Variants in C6orf163 observed in about 807,000 individuals in gnomAD.
C6orf163 encodes the protein uncharacterized protein C6orf163.
In C6orf163, 22 loss-of-function variants were observed where a neutral mutation model predicts 28.4. That is an observed-to-expected ratio of 0.78 (90% CI 0.55 to 1.11). The LOEUF (loss-of-function observed/expected upper bound fraction) is 1.11. Among genes scored for constraint, C6orf163 ranks in the 50% least tolerant of loss-of-function variants. C6orf163 has a pLI of 0.00. For synonymous variants in C6orf163, 110 were observed against 123.6 expected (o/e 0.89, Z 0.73); for missense variants, 342 against 389.1 (o/e 0.88, Z 1.02).
intron 2 of C6orf163, 109 bp from the exon 3 acceptor site, chr6:87,350,285 C>G: frequency 8.6e-6 from 6 of 698,316 alleles, no homozygotes; most frequent in Non-Finnish European, 1.5e-5. Flanking sequence ...ATGGTTGTTG[C>G]TAATTTTCAG....
At chr6:87,354,924 C>G (rs1279005942) in intron 3 of C6orf163, among the ~76,000 whole-genome samples, 1 of 152,232 alleles carries the variant, frequency 6.6e-6, no homozygotes, top group Non-Finnish European at 1.5e-5. Flanking sequence ...GTAAACAGAG[C>G]TGGCTCTCTC....
intron 4 of C6orf163, among the ~76,000 whole-genome samples, chr6:87,361,649 C>T (rs921301010): frequency 6.6e-6 from 1 of 152,164 alleles, no homozygotes; most frequent in Non-Finnish European, 1.5e-5. Context: ...AGACATCAGA[C>T]TAAATCCTTA....
At chr6:87,352,352 A>G (rs951358888) in intron 3 of C6orf163, among the ~76,000 whole-genome samples, 2 of 152,168 alleles carry the variant, frequency 1.3e-5, no homozygotes, top group Non-Finnish European at 2.9e-5. Context: ...TACAGACTCC[A>G]TCAGCATCCC....
intron 3 of C6orf163, among the ~76,000 whole-genome samples, chr6:87,353,356 G>A (rs1282070039): frequency 6.6e-6 from 1 of 151,788 alleles, no homozygotes; most frequent in Non-Finnish European, 1.5e-5. Context: ...AATTCTTGAG[G>A]TGAGGGATAT....
At chr6:87,360,398 A>ATT (rs10625675) in intron 4 of C6orf163, among the ~76,000 whole-genome samples, 56,057 of 138,024 alleles carry the variant, frequency 0.41, 12,049 homozygotes, top group Non-Finnish European at 0.47. Context: ...TTAAGCATGA[A>ATT]TTTTTTTTTT....
chr6:87,348,066 G>A (rs185261610), intron 1 of C6orf163: 1 of 523,348 alleles, frequency 1.9e-6, no homozygotes, highest in African/African-American at 2.1e-5. Context: ...TGAGGCAGGA[G>A]AATCACTTGA....
At chr6:87,358,679 A>G (rs1311691708) in intron 4 of C6orf163, 1 of 151,970 alleles carries the variant, frequency 6.6e-6, no homozygotes, top group Admixed American at 6.6e-5. Flanking sequence ...TGAAGTGACC[A>G]CTCAGGATTT....
rs1257810699 is a variant in C6orf163 at position 87,345,087 on chromosome 6, C to G, written c.-13C>G. 22 of 1,515,712 alleles carry G rather than the reference C, an allele frequency of 1.5e-5. No individual in the cohort carries two copies. The highest frequency in any genetic ancestry group is 1.8e-5 in the Non-Finnish European group (21 of 1,138,608). The allele number at this position is 1,515,712 out of a possible 1,614,324, so 93.9% of individuals were successfully genotyped here. ...TTTAACTGTAAGTAGGAGAAGACAT[C>G]TGAAATTTAACTATGATCAGAAATT... is the stretch of plus-strand genomic sequence containing the variant. On this transcript the variant is annotated 5_prime_UTR_variant, in exon 1 of 5. In the 5' UTR this introduces an upstream ATG that the reference lacks. Coordinates refer to ENST00000388923, the MANE Select transcript of C6orf163 (RefSeq NM_001010868.3).
chr6:87,357,508 TC>T (rs1450161723), intron 4 of C6orf163: 1 of 152,170 alleles, frequency 6.6e-6, no homozygotes, highest in Non-Finnish European at 1.5e-5. Flanking sequence ...ACAGGTAAGA[TC>T]CTGGAGGAGG....
intron 4 of C6orf163, chr6:87,358,107 C>T (rs1259370056): frequency 6.6e-6 from 1 of 152,128 alleles, no homozygotes; most frequent in Non-Finnish European, 1.5e-5. Flanking sequence ...AGAGAATTTG[C>T]AGAAACTAAT....
chr6:87,346,769 G>A (rs1282530917), intron 1 of C6orf163, among the ~76,000 whole-genome samples: 1 of 152,092 alleles, frequency 6.6e-6, no homozygotes, highest in Admixed American at 6.5e-5. Flanking sequence ...ACTAAATTAG[G>A]ACCTCTACGG....
At chr6:87,347,686 CTT>C (rs1368046110) in intron 1 of C6orf163, 2 of 985,256 alleles carry the variant, frequency 2.0e-6, no homozygotes, top group Non-Finnish European at 2.4e-6. Flanking sequence ...TTTCTTGACT[CTT>C]TTAACAGAGA....
chr6:87,365,423 A>G lies in C6orf163; in HGVS notation c.*27A>G, dbSNP rs1033682716. On this transcript the variant is annotated 3_prime_UTR_variant, in exon 5 of 5. Transcript: ENST00000388923. ...AGTCTTCAGTTGAAATTCCACTACAAAAGACATCATTCCAGACTAAATAAA... is the reference window on the plus strand; with the variant it reads ...AGTCTTCAGTTGAAATTCCACTACAGAAGACATCATTCCAGACTAAATAAA... 79 of 1,342,402 alleles carry G rather than the reference A, an allele frequency of 5.9e-5. No homozygotes were observed. Among genetic ancestry groups the G allele is most frequent in the Middle Eastern group, 4.1e-4 (2 of 4,908 alleles). 83.2% of individuals were successfully genotyped at this position (1,342,402 alleles called of 1,614,324 possible). A position where few individuals can be genotyped will look rare whatever the true frequency, so the allele number is the denominator to read the frequency against.
chr6:87,345,295 T>C, intron 1 of C6orf163, 48 bp downstream of exon 1: 1 of 1,443,310 alleles, frequency 6.9e-7, no homozygotes, highest in East Asian at 2.6e-5. Flanking sequence ...CATAGCCTTA[T>C]GTGTCATTCT....
At chr6:87,356,235 C>A in intron 3 of C6orf163, 66 bp from the exon 4 acceptor site, 2 of 1,274,090 alleles carry the variant, frequency 1.6e-6, no homozygotes, top group Non-Finnish European at 2.2e-6. Context: ...GTTTAAATAG[C>A]CTCCTAATGT....
At chr6:87,356,545 T>C in intron 4 of C6orf163, 42 bp downstream of exon 4, 1 of 1,529,490 alleles carries the variant, frequency 6.5e-7, no homozygotes, top group Non-Finnish European at 8.9e-7. Context: ...ACTTCCTTTA[T>C]CAAAATCAAC....
rs1777300421 is a variant in C6orf163, at chr6:87,344,905, G to A, written c.-195G>A. ...ATACCTTCTATGGCAGGGGCTTTTA[G>A]CACCATTCTTTAACGTTAGACACAT... On this transcript the variant is annotated 5_prime_UTR_variant, in exon 1 of 5. Coordinates refer to ENST00000388923, the MANE Select transcript of C6orf163 (RefSeq NM_001010868.3). 2.3e-6 allele frequency: 1 copy of A among 437,360 alleles called. No individual in the cohort carries two copies. Among genetic ancestry groups the A allele is most frequent in the Non-Finnish European group, 4.0e-6 (1 of 249,946 alleles). The allele number at this position is 437,360 out of a possible 1,614,324, so 27.1% of individuals were successfully genotyped here.
intron 1 of C6orf163, chr6:87,348,239 T>G (rs927103420): frequency 1.0e-6 from 1 of 984,448 alleles, no homozygotes; most frequent in Non-Finnish European, 1.2e-6. Context: ...TTTATTACCT[T>G]GTCTGGGTAG....
chr6:87,347,586 T>C, intron 1 of C6orf163: 1 of 985,438 alleles, frequency 1.0e-6, no homozygotes. Context: ...GATTCGCTGA[T>C]GAACTAGTAG....
Sources: allele counts gnomAD v4.1 joint callset (sites outside exome capture counted in the v4.1 genomes callset), GRCh38; gene constraint gnomAD v4.1.1; transcripts MANE v1.5; gene names NCBI Gene and HGNC (gene_info 2026-07-23, HGNC 2026-07-21).